Variants in PGCKA1 observed in about 807,000 individuals in gnomAD.
PGCKA1 encodes the protein PDCD10 and GCKIII kinases associated 1, also known as PDCD10 and GCKIII kinases-associated protein 1.
the PGCKA1 span, among the ~76,000 whole-genome samples, chr4:37,457,880 T>C: frequency 6.6e-6 from 1 of 152,224 alleles, no homozygotes; most frequent in Non-Finnish European, 1.5e-5. Flanking sequence ...ATCTACTTTA[T>C]AGTTTCAATG....
At chr4:37,590,254 A>G in the PGCKA1 span, 1 of 1,614,210 alleles carries the variant, frequency 6.2e-7, no homozygotes, top group Non-Finnish European at 8.5e-7. Flanking sequence ...GACTGAGAGC[A>G]GCAGCAGGAC....
chr4:37,477,041 G>C, the PGCKA1 span, among the ~76,000 whole-genome samples: 2 of 151,894 alleles, frequency 1.3e-5, no homozygotes, highest in Admixed American at 6.6e-5. Flanking sequence ...AATTCTCCTA[G>C]GTAAATATCC....
the PGCKA1 span, among the ~76,000 whole-genome samples, chr4:37,575,680 C>T: frequency 2.0e-5 from 3 of 152,064 alleles, no homozygotes; most frequent in Admixed American, 6.6e-5. Flanking sequence ...TTAATCAGTC[C>T]AATGTCCTGG....
At chr4:37,557,139 C>T in the PGCKA1 span, among the ~76,000 whole-genome samples, 2 of 152,320 alleles carry the variant, frequency 1.3e-5, no homozygotes, top group East Asian at 1.9e-4. Flanking sequence ...GAAGTGAATA[C>T]AAATCTGAAC....
the PGCKA1 span, among the ~76,000 whole-genome samples, chr4:37,509,916 C>T: frequency 6.8e-6 from 1 of 147,100 alleles, no homozygotes; most frequent in Non-Finnish European, 1.5e-5. Context: ...GGTGGCAGTA[C>T]AGTCCAGCTT....
chr4:37,583,497 T>C, the PGCKA1 span, among the ~76,000 whole-genome samples: 73 of 151,748 alleles, frequency 4.8e-4, no homozygotes, highest in East Asian at 0.013. Context: ...AGTGCAGTGG[T>C]GCGATCTCGG....
At chr4:37,499,210 G>T in the PGCKA1 span, among the ~76,000 whole-genome samples, 1 of 152,202 alleles carries the variant, frequency 6.6e-6, no homozygotes, top group African/African-American at 2.4e-5. Flanking sequence ...TTGCTATGCT[G>T]CTGGATTGGG....
chr4:37,458,462 G>C, the PGCKA1 span, among the ~76,000 whole-genome samples: 1 of 151,234 alleles, frequency 6.6e-6, no homozygotes, highest in Non-Finnish European at 1.5e-5. Context: ...GTTTGGGTGG[G>C]CTTGGGTGGG....
the PGCKA1 span, among the ~76,000 whole-genome samples, chr4:37,579,190 C>T: frequency 6.6e-6 from 1 of 152,000 alleles, no homozygotes; most frequent in East Asian, 1.9e-4. Flanking sequence ...CACTTTTTAA[C>T]TTTTTGTTGT....
the PGCKA1 span, among the ~76,000 whole-genome samples, chr4:37,469,648 G>A: frequency 6.6e-6 from 1 of 152,162 alleles, no homozygotes; most frequent in Non-Finnish European, 1.5e-5. Context: ...CTGTATATGT[G>A]CACCCTCAGA....
the PGCKA1 span, among the ~76,000 whole-genome samples, chr4:37,531,588 T>G: frequency 1.3e-5 from 2 of 151,660 alleles, no homozygotes; most frequent in East Asian, 3.9e-4. Flanking sequence ...TATAATTAAA[T>G]AAATCATATT....
the PGCKA1 span, among the ~76,000 whole-genome samples, chr4:37,518,188 G>A: frequency 2.6e-5 from 4 of 152,128 alleles, no homozygotes; most frequent in Non-Finnish European, 5.9e-5. Context: ...TGGCCACTTA[G>A]GTTGCTTCTA....
chr4:37,478,148 C>A, the PGCKA1 span, among the ~76,000 whole-genome samples: 61 of 110,626 alleles, frequency 5.5e-4, no homozygotes, highest in Non-Finnish European at 1.1e-3. Flanking sequence ...AAACACCCCC[C>A]CCCACCGCCA....
At chr4:37,493,335 A>G in the PGCKA1 span, among the ~76,000 whole-genome samples, 2 of 152,208 alleles carry the variant, frequency 1.3e-5, no homozygotes, top group African/African-American at 4.8e-5. Context: ...AATATTTTTT[A>G]AAATTATCAT....
At chr4:37,553,993 C>T in the PGCKA1 span, among the ~76,000 whole-genome samples, 1 of 152,288 alleles carries the variant, frequency 6.6e-6, no homozygotes, top group East Asian at 1.9e-4. Flanking sequence ...TTGGCTGTGT[C>T]CCCACCCAAA....
At chr4:37,590,738 G>A in the PGCKA1 span, 1 of 1,614,202 alleles carries the variant, frequency 6.2e-7, no homozygotes, top group Non-Finnish European at 8.5e-7. Context: ...GGGGAGCATG[G>A]TTTGAATACG....
At chr4:37,579,605 C>T in the PGCKA1 span, among the ~76,000 whole-genome samples, 5 of 152,226 alleles carry the variant, frequency 3.3e-5, no homozygotes, top group Non-Finnish European at 7.3e-5. Context: ...TCATATCTCT[C>T]CTGGACTGTA....
chr4:37,511,255 C>T, the PGCKA1 span, among the ~76,000 whole-genome samples: 77,813 of 151,762 alleles, frequency 0.51, 20,307 homozygotes, highest in African/African-American at 0.6. Context: ...TCCCTCTGCT[C>T]TTCTCAAGTG....
the PGCKA1 span, among the ~76,000 whole-genome samples, chr4:37,466,837 C>T: frequency 2.0e-5 from 3 of 152,192 alleles, no homozygotes; most frequent in African/African-American, 4.8e-5. Flanking sequence ...CTGGCTTATA[C>T]CTGTAATCCC....
Sources: gnomAD v4.1 joint callset for allele counts (sites outside exome capture counted in the v4.1 genomes callset) on GRCh38, gnomAD v4.1.1 for gene constraint, MANE v1.5 for transcripts, NCBI Gene and HGNC (gene_info 2026-07-23, HGNC 2026-07-21) for gene names.